Variants in RHEB observed in about 807,000 individuals in gnomAD.
RHEB encodes GTP-binding protein Rheb.
In RHEB, 2 loss-of-function variants were observed where a neutral mutation model predicts 28.8. The observed-to-expected ratio is 0.07, with a 90% CI of 0.03 to 0.22. The LOEUF is 0.22. Among genes scored for constraint, RHEB ranks in the 10% least tolerant of loss-of-function variants. The probability of loss-of-function intolerance (pLI) is 1.00; values close to 1 mark genes in which losing one functional copy is unlikely to be tolerated. For synonymous variants in RHEB, 69 were observed against 77.3 expected, an observed-to-expected ratio of 0.89 and a Z score of 0.56; for missense variants, 76 against 219.9, an observed-to-expected ratio of 0.35 and a Z score of 4.14.
In RHEB at chr7:151,477,311, A is replaced by C. The variant is rs758549498; in HGVS notation, c.275+22T>G. 2.1e-6 allele frequency: 3 copies of C among 1,410,810 alleles called. No homozygotes were observed. In the African/African-American group the frequency reaches 4.2e-5, roughly 20 times the overall value. The allele number at this position is 1,410,810 out of a possible 1,614,324, so 87.4% of individuals were successfully genotyped here. A position where few individuals can be genotyped will look rare whatever the true frequency, so the allele number is the denominator to read the frequency against. On this transcript the variant is annotated intron_variant, in intron 4 of 7. Coordinates refer to ENST00000262187, the MANE Select transcript of RHEB (RefSeq NM_005614.4). ...TTATCTATGAGTAGCAAATCAACTC[A>C]AGCAGGCAGCAGGAGTCTTACCTTT...
intron 3 of RHEB, among the ~76,000 whole-genome samples, chr7:151,482,871 T>G (rs1802402493): frequency 6.6e-6 from 1 of 152,190 alleles, no homozygotes; most frequent in African/African-American, 2.4e-5. Context: ...CCTTCCCTAC[T>G]AATTTCTAAT....
In RHEB at chr7:151,472,644, C is replaced by CA. The variant is rs1181335712; in HGVS notation, c.276-1040dup. 6.6e-6 allele frequency among the ~76,000 whole-genome samples: 1 copy of CA among 152,196 alleles called. No homozygotes were observed. The highest frequency in any genetic ancestry group is 1.5e-5 in the Non-Finnish European group (1 of 68,042). On this transcript the variant is annotated intron_variant, in intron 4 of 7. Transcript: ENST00000262187. This position sits in a 1 kb window ranked among gnomAD's most constrained non-coding sequence, Gnocchi z 5.2. ...TTTATTTTTCTTGGCAGCATGGTCA[C>CA]AGACATCCTATCTCGCATGTGTGTC...
At chr7:151,490,795 T>C (rs1255784591) in intron 2 of RHEB, 148 bp downstream of exon 2, 3 of 704,062 alleles carry the variant, frequency 4.3e-6, no homozygotes, top group Admixed American at 2.2e-5. Context: ...CAGGGTAAAG[T>C]AGGTAAATCT....
intron 1 of RHEB, chr7:151,502,401 G>C (rs759688766): frequency 5.0e-5 from 40 of 800,582 alleles, no homozygotes; most frequent in Non-Finnish European, 7.9e-5. Flanking sequence ...CCAGTCCTGG[G>C]AGCCATTACA....
intron 1 of RHEB, among the ~76,000 whole-genome samples, chr7:151,496,822 C>G (rs948361523): frequency 6.6e-6 from 1 of 152,046 alleles, no homozygotes; most frequent in African/African-American, 2.4e-5. Context: ...CTCTGTTGCC[C>G]AGGCTGGAGT....
At chr7:151,470,421 T>C (rs1802141766) in intron 7 of RHEB, 150 bp downstream of exon 7, 2 of 558,512 alleles carry the variant, frequency 3.6e-6, no homozygotes, top group African/African-American at 1.9e-5. Flanking sequence ...AGTATCTTCC[T>C]AAAGCAACAC....
At chr7:151,493,175 C>T (rs201802686) in intron 1 of RHEB, among the ~76,000 whole-genome samples, 1 of 152,102 alleles carries the variant, frequency 6.6e-6, no homozygotes, top group East Asian at 1.9e-4. Context: ...CCCACAAACA[C>T]CAGGCCATCC....
At chr7:151,511,244 G>A (rs758666) in intron 1 of RHEB, among the ~76,000 whole-genome samples, 59,429 of 152,082 alleles carry the variant, frequency 0.39, 13,972 homozygotes, top group South Asian at 0.6. Flanking sequence ...CCATCAGGTA[G>A]TTATTAACAT....
At chr7:151,496,559 A>T (rs1223980770) in intron 1 of RHEB, among the ~76,000 whole-genome samples, 1 of 152,130 alleles carries the variant, frequency 6.6e-6, no homozygotes, top group Non-Finnish European at 1.5e-5. Flanking sequence ...TACATTTATT[A>T]CTGGGTCACA....
At chr7:151,478,495 A>G (rs898261530) in intron 3 of RHEB, among the ~76,000 whole-genome samples, 1 of 152,158 alleles carries the variant, frequency 6.6e-6, no homozygotes, top group Admixed American at 6.5e-5. Flanking sequence ...GCTCAGCTAG[A>G]GTAGGTTCAA....
chr7:151,489,165 G>T (rs1802534096), intron 2 of RHEB, among the ~76,000 whole-genome samples: 1 of 152,202 alleles, frequency 6.6e-6, no homozygotes, highest in Non-Finnish European at 1.5e-5. Flanking sequence ...AGCTTACGAA[G>T]AAAACAATCT....
intron 1 of RHEB, chr7:151,503,470 G>A: frequency 9.1e-7 from 1 of 1,104,466 alleles, no homozygotes; most frequent in South Asian, 1.2e-5. Flanking sequence ...CTAGACATGA[G>A]TCTGGCAAAA....
chr7:151,509,915 G>T (rs975852866), intron 1 of RHEB, among the ~76,000 whole-genome samples: 1 of 152,168 alleles, frequency 6.6e-6, no homozygotes, highest in Non-Finnish European at 1.5e-5. Context: ...TGCAAGAGAG[G>T]CTACATGGCC....
At chr7:151,499,503 A>G (rs1422289592) in intron 1 of RHEB, among the ~76,000 whole-genome samples, 1 of 152,230 alleles carries the variant, frequency 6.6e-6, no homozygotes, top group African/African-American at 2.4e-5. Flanking sequence ...CTGGGCCTCA[A>G]AATCTCTCTG....
In RHEB at chr7:151,467,220, AG is replaced by A. The variant is rs760898792; in HGVS notation, c.463-10del. On this transcript the variant is annotated splice_polypyrimidine_tract_variant and intron_variant, in intron 7 of 7. Coordinates refer to ENST00000262187, the MANE Select transcript of RHEB (RefSeq NM_005614.4). ...AAAACATCCACAGCAGTCTGAAAAG[AG>A]AAAGAAACCCAATCACAGTGTTAGT... 2.5e-6 allele frequency: 4 copies of A among 1,599,358 alleles called. No individual in the cohort carries two copies. Among genetic ancestry groups the A allele is most frequent in the Non-Finnish European group, 3.4e-6 (4 of 1,166,620 alleles).
intron 3 of RHEB, among the ~76,000 whole-genome samples, chr7:151,481,067 C>T (rs908985784): frequency 6.6e-6 from 1 of 151,950 alleles, no homozygotes; most frequent in Non-Finnish European, 1.5e-5. Context: ...TAAATAACTC[C>T]CACAAGCTTA....
chr7:151,477,157 G>A (rs1054409269), intron 4 of RHEB, among the ~76,000 whole-genome samples, 176 bp downstream of exon 4: 4 of 152,040 alleles, frequency 2.6e-5, no homozygotes, highest in African/African-American at 9.7e-5. Flanking sequence ...GTAACTAACA[G>A]AACATCTAGT....
rs771041474 is a variant in RHEB, at chr7:151,477,384, G to C, written c.224C>G (p.Ser75Cys). ...DEYSIFPQTY[S>C]IDINGYILVY... ...AAGAATATAGCCATTAATATCTATG[G>C]AGTATGTCTGAGGAAAGATAGAATA... The change falls in exon 4 of 8, where the codon TCC becomes TGC. Residue 75 changes from serine to cysteine, a missense_variant. Transcript: ENST00000262187. The C allele has an allele frequency of 1.3e-6, 2 of 1,582,390 alleles. No individual in the cohort carries two copies. Among genetic ancestry groups the C allele is most frequent in the East Asian group, 2.2e-5 (1 of 44,598 alleles).
At chr7:151,507,837 A>G (rs1199042175) in intron 1 of RHEB, among the ~76,000 whole-genome samples, 1 of 152,240 alleles carries the variant, frequency 6.6e-6, no homozygotes, top group African/African-American at 2.4e-5. Flanking sequence ...ACTGAGGAAA[A>G]TAAGAAATAC....
Sources: allele counts gnomAD v4.1 joint callset (sites outside exome capture counted in the v4.1 genomes callset), GRCh38; gene constraint gnomAD v4.1.1; non-coding constraint Gnocchi (gnomAD v3.1); transcripts MANE v1.5; gene names NCBI Gene and HGNC (gene_info 2026-07-23, HGNC 2026-07-21).